The following QTMAN variants were observed in gnomAD, a reference collection of about 807,000 sequenced individuals.
The protein encoded by QTMAN is queuosine-tRNA mannosyltransferase.
the QTMAN span, among the ~76,000 whole-genome samples, chr2:144,153,135 A>G: frequency 6.6e-6 from 1 of 152,242 alleles, no homozygotes; most frequent in Admixed American, 6.5e-5. Context: ...TAAAACTGAA[A>G]CGGTGGCCCT....
chr2:144,296,191 A>T, the QTMAN span, among the ~76,000 whole-genome samples: 6 of 152,204 alleles, frequency 3.9e-5, no homozygotes, highest in African/African-American at 1.4e-4. Context: ...GAAGATACGA[A>T]AATGCCCAAG....
chr2:143,952,729 T>C, the QTMAN span: 3 of 1,198,488 alleles, frequency 2.5e-6, no homozygotes, highest in African/African-American at 4.5e-5. Context: ...GCATGAATCA[T>C]ATATTAAATC....
the QTMAN span, among the ~76,000 whole-genome samples, chr2:144,255,310 C>A: frequency 1.3e-5 from 2 of 152,096 alleles, no homozygotes; most frequent in African/African-American, 4.8e-5. Context: ...CAGTTACCCC[C>A]ATGCTGTTCT....
chr2:144,090,782 C>T, the QTMAN span, among the ~76,000 whole-genome samples: 1 of 151,940 alleles, frequency 6.6e-6, no homozygotes, highest in African/African-American at 2.4e-5. Context: ...AATTGAGTTA[C>T]CATTTCAAAC....
At chr2:144,113,989 G>A in the QTMAN span, among the ~76,000 whole-genome samples, 1 of 152,170 alleles carries the variant, frequency 6.6e-6, no homozygotes, top group Non-Finnish European at 1.5e-5. Flanking sequence ...CTCTACTTGG[G>A]AGAGGGTTTC....
the QTMAN span, among the ~76,000 whole-genome samples, chr2:144,178,068 C>T: frequency 6.6e-6 from 1 of 152,036 alleles, no homozygotes; most frequent in Non-Finnish European, 1.5e-5. Context: ...TGTTGTTCAC[C>T]ACCGTTTATC....
the QTMAN span, among the ~76,000 whole-genome samples, chr2:143,991,818 T>C: frequency 6.8e-6 from 1 of 146,116 alleles, no homozygotes; most frequent in African/African-American, 2.6e-5. Context: ...AGCCGCCTCG[T>C]CCGGGAGGTG....
At chr2:144,114,050 T>G in the QTMAN span, among the ~76,000 whole-genome samples, 1 of 152,118 alleles carries the variant, frequency 6.6e-6, no homozygotes, top group Admixed American at 6.5e-5. Context: ...ATCCCAGACT[T>G]AGAAAATATG....
chr2:144,221,749 T>C, the QTMAN span, among the ~76,000 whole-genome samples: 1 of 152,216 alleles, frequency 6.6e-6, no homozygotes, highest in Admixed American at 6.5e-5. Context: ...TTCAAATTAT[T>C]ATAACTACTA....
the QTMAN span, among the ~76,000 whole-genome samples, chr2:144,051,715 T>C: frequency 6.6e-6 from 1 of 152,142 alleles, no homozygotes; most frequent in East Asian, 1.9e-4. Context: ...AAATGCTTCA[T>C]GAAGAAGTAG....
the QTMAN span, among the ~76,000 whole-genome samples, chr2:144,112,699 C>T: frequency 3.3e-5 from 5 of 152,200 alleles, no homozygotes; most frequent in Admixed American, 1.3e-4. Context: ...GGTATTTCTC[C>T]ACCCCCACCA....
chr2:144,205,146 A>T, the QTMAN span, among the ~76,000 whole-genome samples: 10 of 152,244 alleles, frequency 6.6e-5, no homozygotes, highest in East Asian at 1.9e-4. Flanking sequence ...AAGTATAATT[A>T]AAAAAAGAAG....
chr2:144,323,333 T>C, the QTMAN span, among the ~76,000 whole-genome samples: 3 of 152,308 alleles, frequency 2.0e-5, no homozygotes, highest in East Asian at 5.8e-4. Context: ...GGGTCAAAAT[T>C]TAATCAATTA....
the QTMAN span, among the ~76,000 whole-genome samples, chr2:144,291,093 T>G: frequency 1.7e-4 from 26 of 152,306 alleles, no homozygotes; most frequent in African/African-American, 6.0e-4. Context: ...TAGTTAATCT[T>G]CACATAGTCT....
At chr2:144,231,066 G>A in the QTMAN span, among the ~76,000 whole-genome samples, 1 of 152,100 alleles carries the variant, frequency 6.6e-6, no homozygotes, top group Admixed American at 6.6e-5. Context: ...ATGTCAGAGG[G>A]TGGGAGAAAT....
the QTMAN span, among the ~76,000 whole-genome samples, chr2:144,202,754 T>C: frequency 1.3e-5 from 2 of 152,198 alleles, no homozygotes; most frequent in African/African-American, 4.8e-5. Flanking sequence ...ATACAGGAGA[T>C]TTATCCTAGA....
At chr2:143,952,187 C>T in the QTMAN span, 1 of 665,300 alleles carries the variant, frequency 1.5e-6, no homozygotes, top group Non-Finnish European at 2.7e-6. Flanking sequence ...TCGTGTTTTA[C>T]ATTATTTAAG....
chr2:144,284,310 CACA>C, the QTMAN span, among the ~76,000 whole-genome samples: 44 of 151,890 alleles, frequency 2.9e-4, no homozygotes, highest in South Asian at 1.7e-3. Context: ...ATATATTCAT[CACA>C]ACATTATGTC....
At chr2:144,212,201 G>A in the QTMAN span, among the ~76,000 whole-genome samples, 19 of 152,302 alleles carry the variant, frequency 1.2e-4, no homozygotes, top group East Asian at 3.9e-4. Context: ...GGTGGCTCAC[G>A]CCTGTAATCC....
Sources: gnomAD v4.1 joint callset for allele counts (sites outside exome capture counted in the v4.1 genomes callset) on GRCh38, gnomAD v4.1.1 for gene constraint, MANE v1.5 for transcripts, NCBI Gene and HGNC (gene_info 2026-07-23, HGNC 2026-07-21) for gene names.